Variants in PCDHGA6 observed in about 807,000 individuals in gnomAD.
PCDHGA6 encodes the protein protocadherin gamma-A6.
Under a neutral mutation model 60.6 loss-of-function variants are expected in PCDHGA6, and 41 were observed. That is an observed-to-expected ratio of 0.68 (90% CI 0.53 to 0.88). The LOEUF (loss-of-function observed/expected upper bound fraction) is 0.88, where lower values mean the gene tolerates loss of function less well. Ranked by LOEUF, PCDHGA6 falls within the 40% of genes least tolerant of loss-of-function variation. The probability of loss-of-function intolerance (pLI) is 0.00; values close to 1 mark genes in which losing one functional copy is unlikely to be tolerated. For missense variants in PCDHGA6, 1,312 were observed against 1,203.0 expected (o/e 1.09, Z -1.34); for synonymous variants, 594 against 524.4 (o/e 1.13, Z -1.81).
In PCDHGA6 at chr5:141,400,505, C is replaced by T. The variant is rs759107285; in HGVS notation, c.2424+23998C>T. The stretch of plus-strand genomic sequence containing the variant: ...TTTCCACTTTGTAATTCCAGCGAGT[C>T]GACTTCCCATCCTGAGTTGGTGAGT... On this transcript the variant is annotated intron_variant, in intron 1 of 3. Transcript: ENST00000517434. 9 of 1,613,816 alleles carry T rather than the reference C, an allele frequency of 5.6e-6. No homozygotes were observed. In the African/African-American group the frequency reaches 6.7e-5, roughly 12 times the overall value.
At chr5:141,419,433 T>A (rs1333004780) in intron 1 of PCDHGA6, 6 of 1,613,246 alleles carry the variant, frequency 3.7e-6, no homozygotes, top group Non-Finnish European at 5.1e-6. Flanking sequence ...CACGAGCAGC[T>A]GCGCACCTTC....
rs750139205 is a variant in PCDHGA6 at position 141,489,738 on chromosome 5, T to C, written c.2425-5069T>C. Reference sequence around the variant, plus strand: ...AGGATCCGGATGTGGGCACCAATACTGTGAGCTTTTACACTCTAAGCCCCA... The same window carrying C: ...AGGATCCGGATGTGGGCACCAATACCGTGAGCTTTTACACTCTAAGCCCCA... On this transcript the variant is annotated intron_variant, in intron 1 of 3. Coordinates refer to ENST00000517434, the MANE Select transcript of PCDHGA6 (RefSeq NM_018919.3). This position sits in a 1 kb window ranked among gnomAD's most constrained non-coding sequence, Gnocchi z 4.5. 1 of 1,614,168 alleles carries C rather than the reference T, an allele frequency of 6.2e-7. No individual in the cohort carries two copies. Among genetic ancestry groups the C allele is most frequent in the Non-Finnish European group, 8.5e-7 (1 of 1,180,030 alleles).
intron 1 of PCDHGA6, chr5:141,416,001 G>C (rs2095980823): frequency 4.0e-6 from 1 of 253,062 alleles, no homozygotes; most frequent in Non-Finnish European, 7.3e-6. Flanking sequence ...AGGCAGGTCT[G>C]GTAAGAATAG....
chr5:141,409,628 G>T (rs367728235), intron 1 of PCDHGA6: 1 of 1,613,848 alleles, frequency 6.2e-7, no homozygotes. Flanking sequence ...GCAAGTGAGC[G>T]CCTCTGACCC....
chr5:141,383,381 A>G, intron 1 of PCDHGA6: 2 of 1,614,034 alleles, frequency 1.2e-6, no homozygotes, highest in Non-Finnish European at 1.7e-6. Flanking sequence ...GGGGATCCAG[A>G]TGTGGGCACG....
intron 1 of PCDHGA6, chr5:141,384,205 A>T: frequency 6.2e-7 from 1 of 1,613,874 alleles, no homozygotes; most frequent in Non-Finnish European, 8.5e-7. Context: ...GTCCAGGGAA[A>T]CTCACATATT....
At chr5:141,488,198 GGACTC>G in intron 1 of PCDHGA6, among the ~76,000 whole-genome samples, 1 of 152,166 alleles carries the variant, frequency 6.6e-6, no homozygotes, top group Non-Finnish European at 1.5e-5. Context: ...CTGGGTCTTA[GGACTC>G]ATATCAAGTC....
chr5:141,511,345 T>TC lies in PCDHGA6; in HGVS notation c.*179dup, dbSNP rs535135679. The TC allele has an allele frequency of 6.6e-4, 924 of 1,410,366 alleles. 3 individuals are homozygous for TC. The African/African-American group carries it at 0.011, about 17-fold the overall frequency. 87.4% of individuals were successfully genotyped at this position (1,410,366 alleles called of 1,614,324 possible). ...AAGTGCCCAGTCAGCACCTACCCCT[T>TC]CCCCCCCAGGGGGTTGAATATGCAA... On this transcript the variant is annotated 3_prime_UTR_variant, in exon 4 of 4. Coordinates refer to ENST00000517434, the MANE Select transcript of PCDHGA6 (RefSeq NM_018919.3).
In PCDHGA6 at chr5:141,489,094, G is replaced by T; in HGVS notation, c.2425-5713G>T. The T allele has an allele frequency of 1.5e-5, 6 of 395,994 alleles. No homozygotes were observed. The highest frequency in any genetic ancestry group is 4.1e-5 in the East Asian group (1 of 24,388). The allele number at this position is 395,994 out of a possible 1,614,324, so 24.5% of individuals were successfully genotyped here. ...CCCACCCCCGCCACTCGGTGACTAA[G>T]AACTGCTGCAAGCAGGCAAACCTCC... On this transcript the variant is annotated intron_variant, in intron 1 of 3. Coordinates refer to ENST00000517434, the MANE Select transcript of PCDHGA6 (RefSeq NM_018919.3). This position sits in a 1 kb window ranked among gnomAD's most constrained non-coding sequence, Gnocchi z 4.5.
rs552257647 is a variant in PCDHGA6 at position 141,389,615 on chromosome 5, G to T, written c.2424+13108G>T. The T allele has an allele frequency of 4.3e-6, 7 of 1,612,854 alleles. No homozygotes were observed. In the African/African-American group the frequency reaches 8.0e-5, roughly 18 times the overall value. On this transcript the variant is annotated intron_variant, in intron 1 of 3. Transcript: ENST00000517434. The stretch of plus-strand genomic sequence containing the variant: ...GCTCTGCGCTCTTCGATATGGTGCC[G>T]CACGCTGCAGAGCCTGGCTACTTGG...
chr5:141,415,754 T>TTTTG, intron 1 of PCDHGA6: 1 of 1,385,736 alleles, frequency 7.2e-7, no homozygotes, highest in Non-Finnish European at 9.3e-7. Flanking sequence ...TTTTTTTTTT[T>TTTTG]TTTTTTTTTT....
At chr5:141,507,842 C>CT (rs2099864170) in intron 3 of PCDHGA6, among the ~76,000 whole-genome samples, 1 of 152,230 alleles carries the variant, frequency 6.6e-6, no homozygotes, top group Admixed American at 6.5e-5. Flanking sequence ...GGGTCAGGCC[C>CT]TGCTCTCACT....
At chr5:141,500,370 G>C (rs766183384) in intron 2 of PCDHGA6, among the ~76,000 whole-genome samples, 1 of 151,644 alleles carries the variant, frequency 6.6e-6, no homozygotes, top group Non-Finnish European at 1.5e-5. Flanking sequence ...TACCACGCCC[G>C]GCTAATTATT....
At chr5:141,427,912 A>G in intron 1 of PCDHGA6, 1 of 1,577,806 alleles carries the variant, frequency 6.3e-7, no homozygotes, top group East Asian at 2.2e-5. Flanking sequence ...CTCAGCGCCA[A>G]CATGAGCCGG....
chr5:141,375,253 C>T lies in PCDHGA6; in HGVS notation c.1170C>T (p.Leu390=). 1 of 1,613,916 alleles carries T rather than the reference C, an allele frequency of 6.2e-7. No homozygotes were observed. Among genetic ancestry groups the T allele is most frequent in the East Asian group, 2.2e-5 (1 of 44,886 alleles). The change falls in exon 1 of 4, where the codon CTC becomes CTT. Residue 390 remains leucine, a synonymous_variant. Coordinates refer to ENST00000517434, the MANE Select transcript of PCDHGA6 (RefSeq NM_018919.3). ...GLVTCSIPRS[L]PFELEKSVGN... Reference sequence around the variant, plus strand: ...TAACCTGTTCCATCCCGAGAAGTCTCCCATTTGAATTGGAAAAATCAGTTG... The same window carrying T: ...TAACCTGTTCCATCCCGAGAAGTCTTCCATTTGAATTGGAAAAATCAGTTG...
intron 1 of PCDHGA6, among the ~76,000 whole-genome samples, chr5:141,455,315 T>G (rs1416163436): frequency 6.6e-6 from 1 of 152,152 alleles, no homozygotes; most frequent in Non-Finnish European, 1.5e-5. Context: ...TTAGCAATTT[T>G]GTGTGTGTGT....
At chr5:141,422,379 C>G (rs2096644662) in intron 1 of PCDHGA6, 1 of 1,576,826 alleles carries the variant, frequency 6.3e-7, no homozygotes, top group East Asian at 2.2e-5. Flanking sequence ...GTCAAGTCTC[C>G]TGTTTTATTC....
intron 1 of PCDHGA6, among the ~76,000 whole-genome samples, chr5:141,457,253 T>C (rs986838327): frequency 1.4e-4 from 22 of 152,196 alleles, no homozygotes; most frequent in Admixed American, 1.4e-3. Flanking sequence ...CTTGCCAACA[T>C]ATAGAATTCC....
At chr5:141,390,110 C>T (rs2092051149) in intron 1 of PCDHGA6, 22 of 1,613,970 alleles carry the variant, frequency 1.4e-5, no homozygotes, top group Non-Finnish European at 1.9e-5. Flanking sequence ...CCAACTACAG[C>T]GAGGGGACTT....
Sources: allele counts gnomAD v4.1 joint callset (sites outside exome capture counted in the v4.1 genomes callset), GRCh38; gene constraint gnomAD v4.1.1; non-coding constraint Gnocchi (gnomAD v3.1); transcripts MANE v1.5; gene names NCBI Gene and HGNC (gene_info 2026-07-23, HGNC 2026-07-21).